ZNF521: variants seen among roughly 807,000 people sequenced by gnomAD.
ZNF521 encodes the protein zinc finger protein 521.
In ZNF521, 14 loss-of-function variants were observed where a neutral mutation model predicts 105.5. The observed-to-expected ratio is 0.13, with a 90% CI of 0.09 to 0.21. The LOEUF is 0.21. Among genes scored for constraint, ZNF521 ranks in the 10% least tolerant of loss-of-function variants. The pLI is 1.00. For synonymous variants in ZNF521, 635 were observed against 606.0 expected (o/e 1.05, Z -0.70); for missense variants, 1,233 against 1,629.7 (o/e 0.76, Z 4.19).
intron 2 of ZNF521, among the ~76,000 whole-genome samples, chr18:25,345,522 A>T (rs1186508288): frequency 6.6e-6 from 1 of 152,214 alleles, no homozygotes; most frequent in Non-Finnish European, 1.5e-5. Flanking sequence ...TGCATAAAAC[A>T]GATGTTTTTG....
At chr18:25,324,812 C>A (rs949057278) in intron 2 of ZNF521, among the ~76,000 whole-genome samples, 1 of 152,150 alleles carries the variant, frequency 6.6e-6, no homozygotes, top group Admixed American at 6.5e-5. Flanking sequence ...AATCCAATAT[C>A]AAAAATACAA....
chr18:25,240,947 TAA>T (rs35790866), intron 3 of ZNF521, among the ~76,000 whole-genome samples: 10,058 of 117,848 alleles, frequency 0.085, 375 homozygotes, highest in South Asian at 0.11. Context: ...AACCAGATAT[TAA>T]AAAAAAAAAA....
At chr18:25,165,529 C>T (rs1695621113) in intron 5 of ZNF521, among the ~76,000 whole-genome samples, 1 of 152,212 alleles carries the variant, frequency 6.6e-6, no homozygotes, top group Admixed American at 6.5e-5. Flanking sequence ...CTCCAGAGAC[C>T]TCAGAGCACA....
At chr18:25,072,114 T>A (rs1490720836) in intron 7 of ZNF521, among the ~76,000 whole-genome samples, 1 of 152,184 alleles carries the variant, frequency 6.6e-6, no homozygotes, top group Admixed American at 6.5e-5. Context: ...CATTTTGCTA[T>A]TTTCTGCAAT....
intron 4 of ZNF521, chr18:25,202,302 A>C (rs930770934): frequency 6.6e-6 from 1 of 152,260 alleles, no homozygotes; most frequent in African/African-American, 2.4e-5. Flanking sequence ...CTACAATACC[A>C]TAAGAATAAT....
In ZNF521 at chr18:25,226,622, C is replaced by A. The variant is rs771135729; in HGVS notation, c.1296G>T (p.Lys432Asn). The change falls in exon 4 of 8, where the codon AAG becomes AAT. Residue 432 changes from lysine (K) to asparagine (N), a missense_variant. This residue lies in a region of ZNF521 where 380 missense variants were observed against 478.0 expected (regional missense o/e 0.80). Coordinates refer to ENST00000361524, the MANE Select transcript of ZNF521 (RefSeq NM_015461.3). The surrounding 1 kb of genome is among the most constrained non-coding windows in gnomAD (Gnocchi z 4.1). ...ACTGACAAATATGGGCCTGTTCTGG[C>A]TTATCTAAGTGCATAGTTTTCAGGT... ...QIHLKTMHLD[K>N]PEQAHICQYC... is the part of the protein sequence containing the mutation. 5.0e-6 allele frequency: 8 copies of A among 1,614,140 alleles called. No individual in the cohort carries two copies. The highest frequency in any genetic ancestry group is 1.1e-5 in the South Asian group (1 of 91,074).
chr18:25,091,329 T>C lies in ZNF521; in HGVS notation c.3790+621A>G, dbSNP rs554335217. Among the ~76,000 whole-genome samples the C allele has an allele frequency of 5.9e-5, 9 of 152,238 alleles. No individual in the cohort carries two copies. The East Asian group carries it at 1.7e-3, about 29-fold the overall frequency. On this transcript the variant is annotated intron_variant, in intron 6 of 7. Coordinates refer to ENST00000361524, the MANE Select transcript of ZNF521 (RefSeq NM_015461.3). ...ATGGGCTTCAAATGAGAGTTTCAGA[T>C]TTACTTTTTTTTTTCTGCTAAAATC...
chr18:25,307,767 G>GCTGT (rs886618797), intron 3 of ZNF521, among the ~76,000 whole-genome samples: 5 of 152,136 alleles, frequency 3.3e-5, no homozygotes, highest in Non-Finnish European at 7.4e-5. Context: ...GTCTCTCTCT[G>GCTGT]CTGTCTGTCT....
At chr18:25,110,424 G>A (rs1288551878) in intron 5 of ZNF521, among the ~76,000 whole-genome samples, 1 of 151,588 alleles carries the variant, frequency 6.6e-6, no homozygotes, top group African/African-American at 2.4e-5. Flanking sequence ...TTGACTGAAT[G>A]AATGGAAGGC....
At chr18:25,167,364 A>G (rs1286942274) in intron 5 of ZNF521, among the ~76,000 whole-genome samples, 1 of 152,228 alleles carries the variant, frequency 6.6e-6, no homozygotes, top group Non-Finnish European at 1.5e-5. Flanking sequence ...TTTTAAAGGC[A>G]GGTATCAGTA....
intron 3 of ZNF521, among the ~76,000 whole-genome samples, chr18:25,257,128 T>C (rs1284661900): frequency 3.9e-5 from 6 of 152,246 alleles, no homozygotes; most frequent in Non-Finnish European, 8.8e-5. Context: ...GTACTCATAG[T>C]TTTAGGAACA....
intron 4 of ZNF521, among the ~76,000 whole-genome samples, chr18:25,207,304 C>T (rs1398913776): frequency 1.3e-5 from 2 of 151,268 alleles, no homozygotes; most frequent in African/African-American, 2.4e-5. Context: ...AAAACATCCA[C>T]ATGTACATGG....
intron 5 of ZNF521, among the ~76,000 whole-genome samples, chr18:25,174,169 A>G (rs904057921): frequency 3.3e-5 from 5 of 152,282 alleles, no homozygotes; most frequent in Admixed American, 3.3e-4. Flanking sequence ...AGAATTCTGG[A>G]AAACAAAAAA....
rs143927151 is a variant in ZNF521 at position 25,342,415 on chromosome 18, T to TTTTGTTTG, written c.40+8484_40+8491dup. On this transcript the variant is annotated intron_variant, in intron 2 of 7. Coordinates refer to ENST00000361524, the MANE Select transcript of ZNF521 (RefSeq NM_015461.3). ...TTTCCTTTTCTTTCCTTTGTTTTTT[T>TTTTGTTTG]TTTGTTTGTTTGTTTGTTTTTTTTG... Among the ~76,000 whole-genome samples the TTTTGTTTG allele has an allele frequency of 3.9e-4, 32 of 81,770 alleles. No homozygotes were observed. In the South Asian group the frequency reaches 4.6e-3, roughly 12 times the overall value. 53.6% of individuals were successfully genotyped at this position (81,770 alleles called of 152,430 possible).
chr18:25,333,669 G>A (rs1568084221), intron 2 of ZNF521, among the ~76,000 whole-genome samples: 1 of 152,080 alleles, frequency 6.6e-6, no homozygotes, highest in Non-Finnish European at 1.5e-5. Flanking sequence ...ACCTATCCCT[G>A]CAATGGGTAT....
intron 5 of ZNF521, among the ~76,000 whole-genome samples, chr18:25,107,673 C>G (rs942390106): frequency 2.6e-5 from 4 of 152,114 alleles, no homozygotes; most frequent in Non-Finnish European, 4.4e-5. Flanking sequence ...ATGCAGACTG[C>G]GGTAATAATT....
At chr18:25,073,902 A>G (rs2033286148) in intron 7 of ZNF521, among the ~76,000 whole-genome samples, 1 of 152,122 alleles carries the variant, frequency 6.6e-6, no homozygotes, top group African/African-American at 2.4e-5. Flanking sequence ...GTAAGCCAAA[A>G]AAAAAAAAAG....
intron 3 of ZNF521, among the ~76,000 whole-genome samples, chr18:25,290,176 G>A (rs1160997282): frequency 1.3e-5 from 2 of 152,154 alleles, no homozygotes; most frequent in Admixed American, 1.3e-4. Context: ...TGCAGTCTGC[G>A]GTTTATAAGC....
intron 3 of ZNF521, among the ~76,000 whole-genome samples, chr18:25,235,374 T>C (rs1410255410): frequency 1.3e-5 from 2 of 152,176 alleles, no homozygotes; most frequent in African/African-American, 2.4e-5. Context: ...ACTTCTTCAC[T>C]GGGGAAGCAG....
Sources: gnomAD v4.1 joint callset for allele counts (sites outside exome capture counted in the v4.1 genomes callset) on GRCh38, gnomAD v4.1.1 for gene constraint, gnomAD v4.1.1 regional missense constraint, Gnocchi (gnomAD v3.1) non-coding constraint, MANE v1.5 for transcripts, NCBI Gene and HGNC (gene_info 2026-07-23, HGNC 2026-07-21) for gene names.